KIAA1217: variants seen among roughly 807,000 people sequenced by gnomAD.
KIAA1217 encodes sickle tail protein homolog.
KIAA1217 carries 88 observed loss-of-function variants against 163.9 expected under a neutral mutation model. The ratio of observed to expected loss-of-function variants is 0.54; its 90% CI spans 0.45 to 0.64. KIAA1217 has a LOEUF of 0.64. KIAA1217 is among the 30% of genes least tolerant of loss of function. The pLI, the probability that KIAA1217 is intolerant of heterozygous loss-of-function variation, is 0.00. For synonymous variants in KIAA1217, 903 were observed against 923.1 expected, an observed-to-expected ratio of 0.98 and a Z score of 0.39; for missense variants, 2,372 against 2,475.0, an observed-to-expected ratio of 0.96 and a Z score of 0.88.
At chr10:24,290,269 A>G (rs1436512151) in intron 2 of KIAA1217, among the ~76,000 whole-genome samples, 1 of 152,148 alleles carries the variant, frequency 6.6e-6, no homozygotes, top group African/African-American at 2.4e-5. Context: ...TCTGCATAAG[A>G]GTGAGGATTC....
intron 1 of KIAA1217, among the ~76,000 whole-genome samples, chr10:23,750,610 A>G (rs1340122123): frequency 6.6e-6 from 1 of 152,192 alleles, no homozygotes; most frequent in Non-Finnish European, 1.5e-5. Context: ...ATCACTAGAC[A>G]GAATGAATGC....
intron 2 of KIAA1217, among the ~76,000 whole-genome samples, chr10:24,326,189 G>T (rs1227460690): frequency 1.3e-5 from 2 of 152,000 alleles, no homozygotes; most frequent in African/African-American, 4.8e-5. Flanking sequence ...TATTACTACG[G>T]TATCTCTATT....
At chr10:24,384,913 G>A (rs981290250) in intron 3 of KIAA1217, among the ~76,000 whole-genome samples, 3 of 152,280 alleles carry the variant, frequency 2.0e-5, no homozygotes, top group African/African-American at 7.2e-5. Flanking sequence ...TTTTGCACTG[G>A]AGGTATGCGT....
chr10:24,514,484 A>G (rs911349937), intron 10 of KIAA1217, among the ~76,000 whole-genome samples: 12 of 152,150 alleles, frequency 7.9e-5, no homozygotes, highest in African/African-American at 2.9e-4. Context: ...AAAAACATCA[A>G]TTTGAGTTAT....
chr10:24,014,254 C>T (rs1847376428), intron 2 of KIAA1217, among the ~76,000 whole-genome samples: 1 of 152,096 alleles, frequency 6.6e-6, no homozygotes, highest in Non-Finnish European at 1.5e-5. Context: ...AGTTAATGGA[C>T]TTTAATAATC....
intron 2 of KIAA1217, among the ~76,000 whole-genome samples, chr10:24,039,327 A>T (rs576701613): frequency 1.3e-5 from 2 of 151,652 alleles, no homozygotes; most frequent in African/African-American, 4.8e-5. Context: ...TCCACTTAGG[A>T]TTTTTTCACT....
rs1453622595 is a variant in KIAA1217, at chr10:23,790,020, CAT to C, written c.-321+94789_-321+94790del. On this transcript the variant is annotated intron_variant, in intron 1 of 18. Coordinates refer to the KIAA1217 transcript ENST00000376462. Reference sequence around the variant, plus strand: ...ACACATATGCACATACACATATACACATATGCATATACACATATACATATGCA... The same window carrying C: ...ACACATATGCACATACACATATACACATGCATATACACATATACATATGCA... Among the ~76,000 whole-genome samples the C allele has an allele frequency of 3.3e-5, 4 of 121,902 alleles. 1 individual carries two copies. The highest frequency in any genetic ancestry group is 2.5e-4 in the South Asian group (1 of 4,052). 80.0% of individuals were successfully genotyped at this position (121,902 alleles called of 152,430 possible). A position where few individuals can be genotyped will look rare whatever the true frequency, so the allele number is the denominator to read the frequency against.
intron 5 of KIAA1217, among the ~76,000 whole-genome samples, chr10:24,471,023 C>T (rs560420309): frequency 3.0e-4 from 46 of 152,276 alleles, no homozygotes; most frequent in Admixed American, 9.8e-4. Context: ...CCTAGAATAA[C>T]CCCAGGCACT....
intron 2 of KIAA1217, among the ~76,000 whole-genome samples, chr10:24,096,028 A>G (rs1357092571): frequency 6.6e-6 from 1 of 152,216 alleles, no homozygotes; most frequent in African/African-American, 2.4e-5. Flanking sequence ...AGATCGCTTG[A>G]GACCAGGAAT....
At chr10:24,063,725 C>T (rs2060825062) in intron 2 of KIAA1217, among the ~76,000 whole-genome samples, 1 of 152,062 alleles carries the variant, frequency 6.6e-6, no homozygotes, top group Admixed American at 6.6e-5. Flanking sequence ...TATAAATTAC[C>T]TTGGGTAGTA....
chr10:23,838,026 T>G (rs1187069247), intron 1 of KIAA1217, among the ~76,000 whole-genome samples: 1 of 152,216 alleles, frequency 6.6e-6, no homozygotes, highest in Non-Finnish European at 1.5e-5. Flanking sequence ...GTCTTTCTGC[T>G]GCATCTTCTC....
At chr10:23,993,804 T>C (rs1165535365) in intron 1 of KIAA1217, among the ~76,000 whole-genome samples, 3 of 152,000 alleles carry the variant, frequency 2.0e-5, no homozygotes, top group Non-Finnish European at 1.5e-5. Context: ...GGTCTTGAAC[T>C]CCAGACCTCA....
At chr10:24,032,266 TG>T (rs1262927498) in intron 2 of KIAA1217, among the ~76,000 whole-genome samples, 1 of 152,204 alleles carries the variant, frequency 6.6e-6, no homozygotes, top group Non-Finnish European at 1.5e-5. Flanking sequence ...TTTGTCATTT[TG>T]TTTTGTTTTT....
intron 2 of KIAA1217, among the ~76,000 whole-genome samples, chr10:24,196,632 A>G (rs866468489): frequency 6.6e-6 from 1 of 152,228 alleles, no homozygotes; most frequent in African/African-American, 2.4e-5. Flanking sequence ...CCTAGTGGCC[A>G]TATGCCTAAA....
chr10:23,847,233 G>A (rs1839079449), intron 1 of KIAA1217, among the ~76,000 whole-genome samples: 1 of 152,142 alleles, frequency 6.6e-6, no homozygotes, highest in Non-Finnish European at 1.5e-5. Flanking sequence ...TTGGTAACAG[G>A]ATGATGCCGG....
intron 3 of KIAA1217, among the ~76,000 whole-genome samples, chr10:24,392,107 T>C (rs958501655): frequency 1.8e-4 from 27 of 152,104 alleles, no homozygotes; most frequent in Admixed American, 1.3e-3. Flanking sequence ...TTGGGTAAAA[T>C]ATGTGTTCCA....
chr10:24,370,538 T>C (rs888628719), intron 2 of KIAA1217, among the ~76,000 whole-genome samples: 19 of 152,114 alleles, frequency 1.2e-4, no homozygotes, highest in African/African-American at 3.6e-4. Context: ...CTGATCAGCA[T>C]AGTAGGCAGG....
In KIAA1217 at chr10:23,695,297, A is replaced by G. The variant is rs1267024796; in HGVS notation, c.-321+63A>G. The G allele has an allele frequency of 6.6e-6, 1 of 152,148 alleles. No individual in the cohort carries two copies. The highest frequency in any genetic ancestry group is 2.4e-5 in the African/African-American group (1 of 41,412). The allele number at this position is 152,148 out of a possible 1,614,324, so 9.4% of individuals were successfully genotyped here. A position where few individuals can be genotyped will look rare whatever the true frequency, so the allele number is the denominator to read the frequency against. The stretch of plus-strand genomic sequence containing the variant: ...CTCCCCCAGCGCGAGTGGGAGGCAC[A>G]TCTCCCCTCCTTGGATAAGGAAACC... On this transcript the variant is annotated intron_variant, in intron 1 of 18. Coordinates refer to the KIAA1217 transcript ENST00000376462. The surrounding 1 kb of genome is among the most constrained non-coding windows in gnomAD (Gnocchi z 4.9).
intron 1 of KIAA1217, among the ~76,000 whole-genome samples, chr10:23,960,274 C>T (rs1252098209): frequency 6.6e-6 from 1 of 151,356 alleles, no homozygotes; most frequent in African/African-American, 2.4e-5. Context: ...GAAACACCTT[C>T]TTGCTTCTGC....
Sources: allele counts gnomAD v4.1 joint callset (sites outside exome capture counted in the v4.1 genomes callset), GRCh38; gene constraint gnomAD v4.1.1; non-coding constraint Gnocchi (gnomAD v3.1); transcripts MANE v1.5; gene names NCBI Gene and HGNC (gene_info 2026-07-23, HGNC 2026-07-21).